The following FAM217B variants were observed in gnomAD, a reference collection of about 807,000 sequenced individuals.
The protein encoded by FAM217B is family with sequence similarity 217 member B.
For missense variants in FAM217B, 463 were observed against 456.9 expected (o/e 1.01, Z -0.12); for synonymous variants, 163 against 173.0 (o/e 0.94, Z 0.45).
chr20:59,940,388 C>CAGCTCAGCCAGGG (rs1340557361), upstream of FAM217B: 2 of 152,894 alleles, frequency 1.3e-5, no homozygotes, highest in Admixed American at 6.5e-5. Context: ...CCGCCGGCCT[C>CAGCTCAGCCAGGG]AGCTCAGCCA....
chr20:59,943,337 C>G lies in FAM217B; in HGVS notation c.-4-603C>G, dbSNP rs184413217. Reference sequence around the variant, plus strand: ...ATTTCTGTTCTTTAAACACAATTTTCCCAAATGTGTTTTCTGTTTGAAAAC... The same window carrying G: ...ATTTCTGTTCTTTAAACACAATTTTGCCAAATGTGTTTTCTGTTTGAAAAC... On this transcript the variant is annotated intron_variant, in intron 3 of 3. Coordinates refer to ENST00000360816, the MANE Select transcript of FAM217B (RefSeq NM_022106.3). Among the ~76,000 whole-genome samples, 67 of 152,280 alleles carry G rather than the reference C, an allele frequency of 4.4e-4. No individual in the cohort carries two copies. In the East Asian group the frequency reaches 0.013, roughly 28 times the overall value.
intron 3 of FAM217B, among the ~76,000 whole-genome samples, 173 bp from the exon 4 acceptor site, chr20:59,943,767 A>G (rs1004921354): frequency 1.3e-5 from 2 of 152,208 alleles, no homozygotes; most frequent in African/African-American, 4.8e-5. Context: ...ATATGGGAAA[A>G]TGTTCTGTAA....
At chr20:59,938,890 C>T, upstream of FAM217B, 1 of 775,356 alleles carries the variant, frequency 1.3e-6, no homozygotes, top group Non-Finnish European at 1.9e-6. Context: ...GGGCCACTGC[C>T]AGGGGACCTT....
At position 59,944,106 on chromosome 20, in the gene FAM217B, G is replaced by A; in HGVS notation, c.163G>A (p.Glu55Lys). The change falls in exon 4 of 4, where the codon GAA becomes AAA. Residue 55 changes from glutamate (E) to lysine (K), a missense_variant. Coordinates refer to ENST00000360816, the MANE Select transcript of FAM217B (RefSeq NM_022106.3). ...EEKLKESISP[E>K]ARRKRNPLGS... is the part of the protein sequence containing the mutation. ...AAAACTTAAAGAAAGCATTTCCCCG[G>A]AAGCAAGACGCAAAAGGAATCCACT... 6.2e-7 allele frequency: 1 copy of A among 1,614,112 alleles called. No homozygotes were observed. The highest frequency in any genetic ancestry group is 8.5e-7 in the Non-Finnish European group (1 of 1,180,012).
chr20:59,934,333 G>A (rs1448478956), intron 1 of FAM217B, among the ~76,000 whole-genome samples: 1 of 152,240 alleles, frequency 6.6e-6, no homozygotes, highest in Admixed American at 6.5e-5. Context: ...GCAGCCAGCG[G>A]GTGCTTGTGT....
chr20:59,939,302 G>A (rs1569005355), upstream of FAM217B: 1 of 1,612,150 alleles, frequency 6.2e-7, no homozygotes, highest in Non-Finnish European at 8.5e-7. Context: ...GCCAGCCCGA[G>A]AAAGTGTAGC....
In FAM217B at chr20:59,945,251, G is replaced by A. The variant is rs899724623; in HGVS notation, c.*156G>A. 1 of 631,296 alleles carries A rather than the reference G, an allele frequency of 1.6e-6. No homozygotes were observed. The highest frequency in any genetic ancestry group is 2.7e-6 in the Non-Finnish European group (1 of 376,928). The allele number at this position is 631,296 out of a possible 1,614,324, so 39.1% of individuals were successfully genotyped here. A position where few individuals can be genotyped will look rare whatever the true frequency, so the allele number is the denominator to read the frequency against. On this transcript the variant is annotated 3_prime_UTR_variant, in exon 4 of 4. Coordinates refer to ENST00000360816, the MANE Select transcript of FAM217B (RefSeq NM_022106.3). ...CCACCTTTATTTCTACCCTGAGTGG[G>A]GTTATTTTCAAAGGGAAGTGTCTTT...
upstream of FAM217B, chr20:59,937,040 A>C (rs1601037815): frequency 1.3e-5 from 2 of 152,662 alleles, no homozygotes; most frequent in African/African-American, 4.8e-5. Context: ...TTAAGCTTTT[A>C]AATTTCATAA....
intron 1 of FAM217B, among the ~76,000 whole-genome samples, chr20:59,940,921 A>T (rs2060900891): frequency 1.3e-5 from 2 of 152,178 alleles, no homozygotes; most frequent in Admixed American, 1.3e-4. Flanking sequence ...AGAGAGGAAG[A>T]CAGGGGAACA....
At position 59,946,008 on chromosome 20, in the gene FAM217B, T is replaced by G. The variant is rs73917276; in HGVS notation, c.*913T>G. The G allele has an allele frequency of 8.0e-3, 1,331 of 167,180 alleles. 17 individuals carry two copies. The highest frequency in any genetic ancestry group is 0.03 in the African/African-American group (1,238 of 41,570). 10.4% of individuals were successfully genotyped at this position (167,180 alleles called of 1,614,324 possible). ...AAGGATCAAAACACATGGACCTACA[T>G]TCAGTGTAATAGTTACAAAGTTACT... On this transcript the variant is annotated 3_prime_UTR_variant, in exon 4 of 4. Transcript: ENST00000360816.
chr20:59,938,798 T>C, upstream of FAM217B: 1 of 328,506 alleles, frequency 3.0e-6, no homozygotes, highest in Non-Finnish European at 5.5e-6. Context: ...CTGCCCCAAC[T>C]CATTACACAA....
Position 59,945,806 on chromosome 20 carries a change from T to G in FAM217B, c.*711T>G, listed in dbSNP as rs1437610327. 3.0e-5 allele frequency: 5 copies of G among 167,098 alleles called. No homozygotes were observed. The Admixed American group carries it at 3.3e-4, about 11-fold the overall frequency. 10.4% of individuals were successfully genotyped at this position (167,098 alleles called of 1,614,324 possible). On this transcript the variant is annotated 3_prime_UTR_variant, in exon 4 of 4. Transcript: ENST00000360816. ...AAACCTACTTTTGAGTTCTCCGAAC[T>G]GAGGTTAAAATAACTTGCAGAATTT...
At chr20:59,940,754 C>T (rs2060899263) in intron 1 of FAM217B, among the ~76,000 whole-genome samples, 1 of 152,202 alleles carries the variant, frequency 6.6e-6, no homozygotes, top group Non-Finnish European at 1.5e-5. Context: ...AGGTTCACTG[C>T]AACCTGGACC....
In FAM217B at chr20:59,947,288, C is replaced by T. The variant is rs941631476; in HGVS notation, c.*2193C>T. 4 of 159,872 alleles carry T rather than the reference C, an allele frequency of 2.5e-5. No individual in the cohort carries two copies. Among genetic ancestry groups the T allele is most frequent in the African/African-American group, 9.7e-5 (4 of 41,432 alleles). The allele number at this position is 159,872 out of a possible 1,614,324, so 9.9% of individuals were successfully genotyped here. ...TTGGGAGGCCGAGGCAGGCGGATCA[C>T]CTGAGGTCGGGAGTTCAAGACCAGC... On this transcript the variant is annotated 3_prime_UTR_variant, in exon 4 of 4. Coordinates refer to ENST00000360816, the MANE Select transcript of FAM217B (RefSeq NM_022106.3).
upstream of FAM217B, chr20:59,937,926 T>C (rs1326487784): frequency 6.6e-6 from 1 of 152,308 alleles, no homozygotes; most frequent in African/African-American, 2.4e-5. Flanking sequence ...TAAAACATGA[T>C]GTATGTAAAT....
intron 1 of FAM217B, among the ~76,000 whole-genome samples, chr20:59,940,934 A>G (rs2060901058): frequency 6.6e-6 from 1 of 152,202 alleles, no homozygotes; most frequent in Non-Finnish European, 1.5e-5. Context: ...GGGGAACAAG[A>G]GTTATTACCC....
chr20:59,939,089 G>A (rs376738312), upstream of FAM217B: 25 of 1,592,730 alleles, frequency 1.6e-5, no homozygotes, highest in African/African-American at 2.7e-5. Flanking sequence ...GCAGCGCGTG[G>A]TTGCGACATG....
At position 59,944,680 on chromosome 20, in the gene FAM217B, C is replaced by T. The variant is rs758190283; in HGVS notation, c.737C>T (p.Pro246Leu). The T allele has an allele frequency of 1.2e-6, 2 of 1,614,178 alleles. No individual in the cohort carries two copies. Among genetic ancestry groups the T allele is most frequent in the African/African-American group, 1.3e-5 (1 of 75,036 alleles). Residue 246 changes from proline to leucine, a missense_variant, in exon 4 of 4, where the codon CCT becomes CTT. By Grantham distance (98) the Pro-to-Leu change is moderately conservative. Transcript: ENST00000360816. ...PHQEGASKSG[P>L]SRKKAFHHEE... ...CAGGAAGGGGCTTCAAAGTCAGGCC[C>T]TTCCCGAAAGAAAGCTTTTCACCAT... is the stretch of plus-strand genomic sequence containing the variant.
Position 59,944,349 on chromosome 20 carries a change from A to G in FAM217B, c.406A>G (p.Thr136Ala). The G allele has an allele frequency of 6.2e-7, 1 of 1,614,058 alleles. No homozygotes were observed. The highest frequency in any genetic ancestry group is 8.5e-7 in the Non-Finnish European group (1 of 1,179,994). Reference sequence around the variant, plus strand: ...TGATCTTCACCCTGGTCAGGGCCATACAAAACCTGAATACTATTATCCTAA... The same window carrying G: ...TGATCTTCACCCTGGTCAGGGCCATGCAAAACCTGAATACTATTATCCTAA... ...YFDLHPGQGHTKPEYYYPNFL... is the reference protein window; with the variant it reads ...YFDLHPGQGHAKPEYYYPNFL... The change falls in exon 4 of 4, where the codon ACA (threonine) becomes GCA (alanine). Residue 136 changes from threonine to alanine, a missense_variant. Thr to Ala is a moderately conservative substitution (Grantham distance 58, BLOSUM62 0). Coordinates refer to ENST00000360816, the MANE Select transcript of FAM217B (RefSeq NM_022106.3).
Sources: gnomAD v4.1 joint callset for allele counts (sites outside exome capture counted in the v4.1 genomes callset) on GRCh38, gnomAD v4.1.1 for gene constraint, MANE v1.5 for transcripts, NCBI Gene and HGNC (gene_info 2026-07-23, HGNC 2026-07-21) for gene names.